The following PLEKHA6 variants were observed in gnomAD, a reference collection of about 807,000 sequenced individuals.
PLEKHA6 encodes pleckstrin homology domain-containing family A member 6.
PLEKHA6 carries 60 observed loss-of-function variants against 116.7 expected under a neutral mutation model. The ratio of observed to expected loss-of-function variants is 0.51; its 90% CI spans 0.42 to 0.64. The LOEUF (loss-of-function observed/expected upper bound fraction) is 0.64, where lower values mean the gene tolerates loss of function less well. Among genes scored for constraint, PLEKHA6 ranks in the 30% least tolerant of loss-of-function variants. The pLI, the probability that PLEKHA6 is intolerant of heterozygous loss-of-function variation, is 0.00. For missense variants in PLEKHA6, 1,338 were observed against 1,422.7 expected (o/e 0.94, Z 0.96); for synonymous variants, 489 against 556.1 (o/e 0.88, Z 1.70).
intron 17 of PLEKHA6, among the ~76,000 whole-genome samples, chr1:204,236,542 A>G (rs1224075496): frequency 6.6e-6 from 1 of 152,196 alleles, no homozygotes; most frequent in Non-Finnish European, 1.5e-5. Context: ...CAGTCACTCA[A>G]CTAAAAAATT....
At chr1:204,338,090 T>C (rs1157886312) in intron 1 of PLEKHA6, among the ~76,000 whole-genome samples, 1 of 152,244 alleles carries the variant, frequency 6.6e-6, no homozygotes. Flanking sequence ...CAGAAGGGAA[T>C]GTGTGCCTTA....
At chr1:204,300,885 C>A (rs1411801512) in intron 1 of PLEKHA6, among the ~76,000 whole-genome samples, 6 of 152,228 alleles carry the variant, frequency 3.9e-5, no homozygotes, top group African/African-American at 1.4e-4. Flanking sequence ...GCAATGCTTT[C>A]ATAGCATTCC....
At chr1:204,258,287 A>G (rs969333227) in intron 8 of PLEKHA6, among the ~76,000 whole-genome samples, 1 of 152,150 alleles carries the variant, frequency 6.6e-6, no homozygotes, top group African/African-American at 2.4e-5. Flanking sequence ...TATTTTAGAG[A>G]TGAGGTCCAT....
intron 17 of PLEKHA6, among the ~76,000 whole-genome samples, chr1:204,241,165 A>G (rs961290893): frequency 6.6e-6 from 1 of 152,136 alleles, no homozygotes; most frequent in Non-Finnish European, 1.5e-5. Context: ...GAGAACCCTG[A>G]CCAATGCAGC....
At chr1:204,249,360 T>C (rs1301699150) in intron 10 of PLEKHA6, 96 bp from the exon 11 acceptor site, 4 of 890,856 alleles carry the variant, frequency 4.5e-6, no homozygotes, top group Non-Finnish European at 7.4e-6. Context: ...GGCCTCTGGA[T>C]ACCCCCCTCC....
At chr1:204,358,812 G>C (rs1182872971) in intron 1 of PLEKHA6, among the ~76,000 whole-genome samples, 1 of 151,816 alleles carries the variant, frequency 6.6e-6, no homozygotes, top group East Asian at 1.9e-4. Flanking sequence ...TGCTCTCCCA[G>C]GCTCCACAGC....
At chr1:204,227,312 A>G (rs1660499960) in intron 21 of PLEKHA6, among the ~76,000 whole-genome samples, 1 of 152,164 alleles carries the variant, frequency 6.6e-6, no homozygotes, top group African/African-American at 2.4e-5. Context: ...AAGCACCTTT[A>G]TCTTGATGAA....
chr1:204,236,825 AAC>A (rs1662122256), intron 17 of PLEKHA6, among the ~76,000 whole-genome samples: 1 of 152,196 alleles, frequency 6.6e-6, no homozygotes, highest in East Asian at 1.9e-4. Context: ...GAATTATAAA[AAC>A]AGAGAATCAC....
At chr1:204,251,120 G>C (rs1299667877) in intron 9 of PLEKHA6, among the ~76,000 whole-genome samples, 1 of 152,218 alleles carries the variant, frequency 6.6e-6, no homozygotes, top group Non-Finnish European at 1.5e-5. Flanking sequence ...TCCAGTAAAT[G>C]CTGCCTAGCC....
rs1572145798 is a variant in PLEKHA6 at position 204,305,104 on chromosome 1, G to A, written c.-94-30295C>T. Among the ~76,000 whole-genome samples, 6 of 152,172 alleles carry A rather than the reference G, an allele frequency of 3.9e-5. No homozygotes were observed. In the East Asian group the frequency reaches 1.2e-3, roughly 29 times the overall value. On this transcript the variant is annotated intron_variant, in intron 1 of 22. Transcript: ENST00000272203. ...AAGTATGCCTCTGGTGCGTGGTAGA[G>A]AGCATCAAATTGGCAACGTAACAGA...
rs1659724977 is a variant in PLEKHA6, at chr1:204,222,224, A to T, written c.*564T>A. 1 of 152,526 alleles carries T rather than the reference A, an allele frequency of 6.6e-6. No individual in the cohort carries two copies. The highest frequency in any genetic ancestry group is 2.4e-5 in the African/African-American group (1 of 41,342). The allele number at this position is 152,526 out of a possible 1,614,324, so 9.4% of individuals were successfully genotyped here. The stretch of plus-strand genomic sequence containing the variant: ...GGTCAGTCTCCACCGGACCCCAGCG[A>T]GCACCCATAAGCAAAGCACTGGGTT... On this transcript the variant is annotated 3_prime_UTR_variant, in exon 23 of 23. Coordinates refer to ENST00000272203, the MANE Select transcript of PLEKHA6 (RefSeq NM_014935.5).
At chr1:204,314,997 C>G (rs958953994) in intron 1 of PLEKHA6, among the ~76,000 whole-genome samples, 1 of 152,208 alleles carries the variant, frequency 6.6e-6, no homozygotes, top group African/African-American at 2.4e-5. Context: ...GGCACACACT[C>G]CTGCACCACA....
rs2102413083 is a variant in PLEKHA6, at chr1:204,228,622, G to A, written c.2885+106C>T. 9.8e-7 allele frequency: 1 copy of A among 1,019,322 alleles called. No homozygotes were observed. Among genetic ancestry groups the A allele is most frequent in the East Asian group, 2.4e-5 (1 of 41,888 alleles). The allele number at this position is 1,019,322 out of a possible 1,614,324, so 63.1% of individuals were successfully genotyped here. On this transcript the variant is annotated intron_variant, in intron 20 of 22. Coordinates refer to ENST00000272203, the MANE Select transcript of PLEKHA6 (RefSeq NM_014935.5). The surrounding 1 kb of genome is among the most constrained non-coding windows in gnomAD (Gnocchi z 4.0). ...TGCTGCCTGGAGTCACCACCTCGAT[G>A]TGCTCTCCCCTGGGGAGGCTCTGTG... is the stretch of plus-strand genomic sequence containing the variant.
At chr1:204,353,363 G>T (rs1397322098) in intron 1 of PLEKHA6, among the ~76,000 whole-genome samples, 1 of 152,124 alleles carries the variant, frequency 6.6e-6, no homozygotes, top group East Asian at 1.9e-4. Context: ...TGCTCCTTGG[G>T]GCCTAACCCT....
chr1:204,271,735 A>G (rs1289130232), intron 3 of PLEKHA6, among the ~76,000 whole-genome samples: 2 of 152,188 alleles, frequency 1.3e-5, no homozygotes, highest in African/African-American at 4.8e-5. Flanking sequence ...CTGCTCTCAC[A>G]GCCAGGCTAT....
chr1:204,314,636 C>T (rs1044410970), intron 1 of PLEKHA6, among the ~76,000 whole-genome samples: 9 of 152,162 alleles, frequency 5.9e-5, no homozygotes, highest in Admixed American at 2.6e-4. Context: ...CAAGCTGGGG[C>T]GAGAAATAGC....
chr1:204,228,203 C>T lies in PLEKHA6; in HGVS notation c.2911G>A (p.Glu971Lys), dbSNP rs374257371. The change falls in exon 21 of 23, where the codon GAG becomes AAG. Residue 971 changes from glutamate (E) to lysine (K), a missense_variant. This residue lies in a region of PLEKHA6 where 1,136 missense variants were observed against 1,163.6 expected (regional missense o/e 0.98). Transcript: ENST00000272203. The surrounding 1 kb of genome is among the most constrained non-coding windows in gnomAD (Gnocchi z 4.0). ...SSMQNVVPIG[E>K]GDSVDVPQDS... ...TGGGGCACGTCCACAGAGTCCCCCT[C>T]GCCGATGGGCACCACGTTCTGCATA... 7.5e-6 allele frequency: 12 copies of T among 1,609,806 alleles called. No homozygotes were observed. Among genetic ancestry groups the T allele is most frequent in the Admixed American group, 1.7e-5 (1 of 59,676 alleles).
chr1:204,357,160 C>T (rs759004857), intron 1 of PLEKHA6, among the ~76,000 whole-genome samples: 2 of 152,194 alleles, frequency 1.3e-5, no homozygotes, highest in Non-Finnish European at 2.9e-5. Context: ...ACTTAGAAGT[C>T]GGCAGATTTT....
intron 9 of PLEKHA6, chr1:204,255,543 C>G (rs1051762331): frequency 1.5e-6 from 1 of 684,754 alleles, no homozygotes; most frequent in African/African-American, 1.8e-5. Flanking sequence ...TGTCAAATGG[C>G]TGGAAGATGA....
Sources: gnomAD v4.1 joint callset for allele counts (sites outside exome capture counted in the v4.1 genomes callset) on GRCh38, gnomAD v4.1.1 for gene constraint, gnomAD v4.1.1 regional missense constraint, Gnocchi (gnomAD v3.1) non-coding constraint, MANE v1.5 for transcripts, NCBI Gene and HGNC (gene_info 2026-07-23, HGNC 2026-07-21) for gene names.